GAS7: variants seen among roughly 807,000 people sequenced by gnomAD.
The protein encoded by GAS7 is growth arrest-specific protein 7.
GAS7 carries 28 observed loss-of-function variants against 71.1 expected under a neutral mutation model. That is an observed-to-expected ratio of 0.39 (90% CI 0.29 to 0.54). The LOEUF (loss-of-function observed/expected upper bound fraction) is 0.54, where lower values mean the gene tolerates loss of function less well. Ranked by LOEUF, GAS7 falls within the 20% of genes least tolerant of loss-of-function variation. The pLI, the probability that GAS7 is intolerant of heterozygous loss-of-function variation, is 0.62. For synonymous variants in GAS7, 258 were observed against 245.8 expected (o/e 1.05, Z -0.46); for missense variants, 436 against 627.8 (o/e 0.69, Z 3.27).
intron 1 of GAS7, among the ~76,000 whole-genome samples, chr17:10,108,617 G>T (rs2073781752): frequency 6.6e-6 from 1 of 152,082 alleles, no homozygotes; most frequent in Admixed American, 6.5e-5. Context: ...ATAGCATGAC[G>T]TTCATATAAA....
chr17:10,194,725 G>A (rs1203664011), intron 1 of GAS7, among the ~76,000 whole-genome samples: 1 of 152,060 alleles, frequency 6.6e-6, no homozygotes, highest in Non-Finnish European at 1.5e-5. Flanking sequence ...TGTAATCCCA[G>A]CACTTTGGGA....
chr17:9,928,107 T>A (rs528009718), intron 9 of GAS7, among the ~76,000 whole-genome samples: 4 of 148,176 alleles, frequency 2.7e-5, no homozygotes, highest in South Asian at 4.1e-4. Flanking sequence ...TTTATTTATT[T>A]TTTATTTATT....
At chr17:10,020,024 C>A (rs2072202142) in intron 1 of GAS7, 127 bp from the exon 2 acceptor site, 5 of 879,894 alleles carry the variant, frequency 5.7e-6, no homozygotes, top group South Asian at 4.6e-5. Flanking sequence ...GGCCCATAAA[C>A]CCCTGAGGTC....
At chr17:10,081,466 A>G (rs1231865009) in intron 1 of GAS7, among the ~76,000 whole-genome samples, 1 of 152,216 alleles carries the variant, frequency 6.6e-6, no homozygotes, top group African/African-American at 2.4e-5. Context: ...GAGTTCTTAA[A>G]TGAGGCATAA....
chr17:9,932,809 G>A (rs2068257356), intron 9 of GAS7, among the ~76,000 whole-genome samples: 1 of 152,156 alleles, frequency 6.6e-6, no homozygotes, highest in African/African-American at 2.4e-5. Context: ...TGAGCCCTGA[G>A]GATGGGAATA....
At chr17:10,030,116 C>G (rs60585377) in intron 1 of GAS7, among the ~76,000 whole-genome samples, 20,099 of 152,112 alleles carry the variant, frequency 0.13, 1,398 homozygotes, top group Middle Eastern at 0.17. Flanking sequence ...AGGTTCTCAA[C>G]CTGAAGGAAC....
At chr17:10,113,165 T>TA (rs954389915) in intron 1 of GAS7, among the ~76,000 whole-genome samples, 19 of 151,264 alleles carry the variant, frequency 1.3e-4, no homozygotes, top group African/African-American at 4.4e-4. Context: ...AAGCAGAAAT[T>TA]AAAAAAAAAT....
chr17:10,145,106 A>G (rs1250341861), intron 1 of GAS7, among the ~76,000 whole-genome samples: 2 of 152,204 alleles, frequency 1.3e-5, no homozygotes, highest in African/African-American at 2.4e-5. Context: ...GAGAAGACCA[A>G]CAGAAATCCA....
At chr17:10,041,643 T>C (rs1389176207) in intron 1 of GAS7, among the ~76,000 whole-genome samples, 2 of 152,168 alleles carry the variant, frequency 1.3e-5, no homozygotes, top group Non-Finnish European at 2.9e-5. Flanking sequence ...ACTGTTTGGG[T>C]TCATCCTAGC....
chr17:10,169,576 C>A (rs1032932611), intron 1 of GAS7, among the ~76,000 whole-genome samples: 2 of 152,150 alleles, frequency 1.3e-5, no homozygotes, highest in African/African-American at 4.8e-5. Context: ...TCCATGGCTG[C>A]CTTCACTGAA....
intron 2 of GAS7, among the ~76,000 whole-genome samples, chr17:10,006,480 C>T (rs2071537372): frequency 6.6e-6 from 1 of 151,852 alleles, no homozygotes; most frequent in South Asian, 2.1e-4. Flanking sequence ...CAGGCGCCTG[C>T]CACCATGCCC....
intron 11 of GAS7, among the ~76,000 whole-genome samples, chr17:9,923,639 G>C (rs2067898478): frequency 6.6e-6 from 1 of 152,186 alleles, no homozygotes; most frequent in Non-Finnish European, 1.5e-5. Flanking sequence ...TTCAAATCTT[G>C]ATAACACACA....
At chr17:10,130,155 C>T (rs1597808939) in intron 1 of GAS7, among the ~76,000 whole-genome samples, 1 of 141,164 alleles carries the variant, frequency 7.1e-6, no homozygotes, top group Non-Finnish European at 1.5e-5. Context: ...GATGACAGAG[C>T]AAGACTCAGC....
Position 10,020,730 on chromosome 17 carries a change from G to A in GAS7, c.184-833C>T, listed in dbSNP as rs563609678. On this transcript the variant is annotated intron_variant, in intron 1 of 13. Coordinates refer to ENST00000432992, the MANE Select transcript of GAS7 (RefSeq NM_201433.2). ...AGTTCGCGACCAGCCTGGGCAACAC[G>A]GTGAAACCCCACCTCTACTAAAAAT... 6.6e-5 allele frequency among the ~76,000 whole-genome samples: 10 copies of A among 152,126 alleles called. No homozygotes were observed. In the South Asian group the frequency reaches 1.9e-3, roughly 28 times the overall value.
chr17:9,928,136 A>G (rs57407393), intron 9 of GAS7, among the ~76,000 whole-genome samples: 5,906 of 151,272 alleles, frequency 0.039, 304 homozygotes, highest in African/African-American at 0.097. Flanking sequence ...TTTTTGAGAC[A>G]GAGTCTCGCT....
At chr17:9,976,103 T>C (rs1242018422) in intron 3 of GAS7, among the ~76,000 whole-genome samples, 1 of 152,244 alleles carries the variant, frequency 6.6e-6, no homozygotes, top group East Asian at 1.9e-4. Flanking sequence ...TCCAGAAATT[T>C]CTCTCTGGCC....
intron 1 of GAS7, among the ~76,000 whole-genome samples, chr17:10,141,106 T>C (rs7219401): frequency 0.21 from 31,822 of 152,168 alleles, 3,538 homozygotes; most frequent in African/African-American, 0.25. Flanking sequence ...ACTTCTGGAA[T>C]TTCCTGCCTT....
At chr17:9,929,962 G>A (rs577006644) in intron 9 of GAS7, among the ~76,000 whole-genome samples, 24 of 152,176 alleles carry the variant, frequency 1.6e-4, no homozygotes, top group Non-Finnish European at 2.2e-4. Flanking sequence ...CAAAACTCTC[G>A]CTCTCTTTGC....
intron 1 of GAS7, among the ~76,000 whole-genome samples, chr17:10,133,124 T>A (rs146623073): frequency 0.23 from 18,747 of 81,782 alleles, 2,079 homozygotes; most frequent in East Asian, 0.53. Context: ...ATTTTTATAT[T>A]TTTTTTTTTT....
Sources: gnomAD v4.1 joint callset for allele counts (sites outside exome capture counted in the v4.1 genomes callset) on GRCh38, gnomAD v4.1.1 for gene constraint, MANE v1.5 for transcripts, NCBI Gene and HGNC (gene_info 2026-07-23, HGNC 2026-07-21) for gene names.